Variants in DMGDH observed in about 807,000 individuals in gnomAD.
DMGDH encodes dimethylglycine dehydrogenase.
A neutral mutation model predicts 95.2 loss-of-function variants in DMGDH; 76 were observed. That is an observed-to-expected ratio of 0.80 (90% CI 0.66 to 0.97). DMGDH has a LOEUF of 0.97. DMGDH is among the 50% of genes least tolerant of loss of function. The pLI is 0.00. For missense variants in DMGDH, 987 were observed against 1,055.0 expected (o/e 0.94, Z 0.89); for synonymous variants, 345 against 377.6 (o/e 0.91, Z 1.00).
At chr5:79,005,140 C>A (rs992730016) in intron 15 of DMGDH, 133 bp downstream of exon 15, 36 of 1,228,766 alleles carry the variant, frequency 2.9e-5, no homozygotes, top group Non-Finnish European at 4.1e-5. Flanking sequence ...TGAATGTCAG[C>A]TCAGAAATCA....
rs142991064 is a variant in DMGDH at position 79,006,850 on chromosome 5, C to CCCCCCGG, written c.2251-1444_2251-1443insCCGGGGG. Among the ~76,000 whole-genome samples, 6 of 147,568 alleles carry CCCCCCGG rather than the reference C, an allele frequency of 4.1e-5. 1 individual carries two copies. Among genetic ancestry groups the CCCCCCGG allele is most frequent in the African/African-American group, 1.2e-4 (5 of 40,184 alleles). ...CTCACACACCCTCACCTGAGACCCC[C>CCCCCCGG]CCAGTCCATTCCTTTCCTAGTTTAG... is the stretch of plus-strand genomic sequence containing the variant. On this transcript the variant is annotated intron_variant, in intron 14 of 15. Transcript: ENST00000255189.
rs1367369257 is a variant in DMGDH at position 79,029,924 on chromosome 5, T to C, written c.1794A>G (p.Gly598=). 6.2e-7 allele frequency: 1 copy of C among 1,614,046 alleles called. No individual in the cohort carries two copies. The highest frequency in any genetic ancestry group is 1.1e-5 in the South Asian group (1 of 91,076). The change falls in exon 11 of 16, where the codon GGA becomes GGG. Residue 598 remains glycine, a synonymous_variant. Transcript: ENST00000255189. ...PGEFLLITGS[G]SELHDLRWIE... ...CTTACCTAAGATCATGAAGTTCTGA[T>C]CCAGAGCCAGTAATTAAAAGAAACT... is the stretch of plus-strand genomic sequence containing the variant.
At chr5:79,038,651 C>A (rs1311918947) in intron 7 of DMGDH, among the ~76,000 whole-genome samples, 1 of 152,092 alleles carries the variant, frequency 6.6e-6, no homozygotes, top group African/African-American at 2.4e-5. Flanking sequence ...CAGTTCCTGA[C>A]ACAGAATTCA....
At chr5:79,029,071 TA>T (rs1168406394) in intron 11 of DMGDH, among the ~76,000 whole-genome samples, 1 of 152,236 alleles carries the variant, frequency 6.6e-6, no homozygotes, top group Non-Finnish European at 1.5e-5. Context: ...ACAAGACACG[TA>T]ATTGCTCTGA....
At chr5:79,042,518 C>G (rs779075939) in intron 6 of DMGDH, 37 bp from the exon 7 acceptor site, 1 of 1,601,796 alleles carries the variant, frequency 6.2e-7, no homozygotes, top group Admixed American at 1.7e-5. Context: ...GATGCCGTAG[C>G]TGAGCTGACA....
intron 12 of DMGDH, among the ~76,000 whole-genome samples, chr5:79,028,144 C>CTT (rs142106284): frequency 6.6e-6 from 1 of 150,888 alleles, no homozygotes. Context: ...CCAGCCCCCA[C>CTT]TTTTTTTTTA....
intron 11 of DMGDH, among the ~76,000 whole-genome samples, chr5:79,029,258 C>T (rs1754086344): frequency 6.6e-6 from 1 of 152,176 alleles, no homozygotes; most frequent in African/African-American, 2.4e-5. Context: ...GGTCCCAGTA[C>T]ATCTTGGATT....
intron 3 of DMGDH, among the ~76,000 whole-genome samples, chr5:79,054,952 G>C (rs901780694): frequency 6.6e-6 from 1 of 152,172 alleles, no homozygotes; most frequent in Non-Finnish European, 1.5e-5. Flanking sequence ...GTGCACAAAT[G>C]CTCTGAGAAC....
At chr5:79,018,338 G>C (rs1753781447) in intron 14 of DMGDH, among the ~76,000 whole-genome samples, 1 of 152,266 alleles carries the variant, frequency 6.6e-6, no homozygotes, top group East Asian at 1.9e-4. Flanking sequence ...CACTGGGAAT[G>C]ATCTATTAAT....
chr5:78,999,893 A>G (rs1753425401), intron 15 of DMGDH, among the ~76,000 whole-genome samples: 1 of 150,870 alleles, frequency 6.6e-6, no homozygotes, highest in Non-Finnish European at 1.5e-5. Flanking sequence ...GGTGTGGAGT[A>G]AGACTACTGA....
chr5:79,042,230 T>C, intron 7 of DMGDH, 53 bp downstream of exon 7: 3 of 1,530,900 alleles, frequency 2.0e-6, no homozygotes, highest in Non-Finnish European at 2.7e-6. Flanking sequence ...GAACTAGATT[T>C]AGCTAAAATA....
intron 7 of DMGDH, among the ~76,000 whole-genome samples, chr5:79,036,215 T>C (rs1219079600): frequency 1.3e-5 from 2 of 152,224 alleles, no homozygotes; most frequent in Non-Finnish European, 2.9e-5. Context: ...TGGGCCCTTG[T>C]ATGACCAGTT....
intron 15 of DMGDH, among the ~76,000 whole-genome samples, chr5:78,999,331 CT>C (rs1319027147): frequency 3.9e-5 from 6 of 151,974 alleles, no homozygotes; most frequent in African/African-American, 1.5e-4. Flanking sequence ...TTCTCTCTCT[CT>C]TTTTTTTCTT....
At chr5:79,021,880 G>C (rs1007803876) in intron 14 of DMGDH, among the ~76,000 whole-genome samples, 1 of 152,292 alleles carries the variant, frequency 6.6e-6, no homozygotes, top group South Asian at 2.1e-4. Context: ...AGGTCAGAGG[G>C]TGGCGTTCGA....
At chr5:79,022,434 T>C (rs1404185220) in intron 14 of DMGDH, among the ~76,000 whole-genome samples, 1 of 152,128 alleles carries the variant, frequency 6.6e-6, no homozygotes, top group Non-Finnish European at 1.5e-5. Context: ...GTCTTGGAGA[T>C]TAGCAAGCAT....
chr5:79,050,266 AAAAAAAAATATAT>A (rs1370524184), intron 5 of DMGDH, among the ~76,000 whole-genome samples: 10 of 56,074 alleles, frequency 1.8e-4, no homozygotes, highest in African/African-American at 8.3e-4. Flanking sequence ...AAAAAAAAAA[AAAAAAAAATATAT>A]ATATATATAT....
At chr5:79,035,746 G>GGGTT in intron 7 of DMGDH, among the ~76,000 whole-genome samples, 1 of 151,700 alleles carries the variant, frequency 6.6e-6, no homozygotes, top group East Asian at 1.9e-4. Context: ...GTGGGCGGGG[G>GGGTT]GGGAATCCTG....
chr5:79,068,820 A>G (rs1299198488), intron 1 of DMGDH, among the ~76,000 whole-genome samples: 1 of 152,260 alleles, frequency 6.6e-6, no homozygotes, highest in Non-Finnish European at 1.5e-5. Flanking sequence ...TTTAGCAAAG[A>G]TAACAAAATG....
chr5:79,000,301 C>T (rs1459918802), intron 15 of DMGDH: 5 of 670,624 alleles, frequency 7.5e-6, no homozygotes, highest in Admixed American at 1.8e-5. Flanking sequence ...AAGATGCCCA[C>T]CAGCTGCTCT....
Sources: gnomAD v4.1 joint callset for allele counts (sites outside exome capture counted in the v4.1 genomes callset) on GRCh38, gnomAD v4.1.1 for gene constraint, MANE v1.5 for transcripts, NCBI Gene and HGNC (gene_info 2026-07-23, HGNC 2026-07-21) for gene names.